CHST11: variants seen among roughly 807,000 people sequenced by gnomAD.
CHST11 encodes C4S-1.
Under a neutral mutation model 30.4 loss-of-function variants are expected in CHST11, and 9 were observed. That is an observed-to-expected ratio of 0.30 (90% CI 0.18 to 0.52). The LOEUF is 0.52. CHST11 is among the 20% of genes least tolerant of loss of function. CHST11 has a pLI of 0.97. For missense variants in CHST11, 348 were observed against 460.6 expected, an observed-to-expected ratio of 0.76 and a Z score of 2.24; for synonymous variants, 152 against 187.8, an observed-to-expected ratio of 0.81 and a Z score of 1.56.
At position 104,626,676 on chromosome 12, in the gene CHST11, A is replaced by G. The variant is rs530544922; in HGVS notation, c.204+24685A>G. Among the ~76,000 whole-genome samples, 13 of 149,018 alleles carry G rather than the reference A, an allele frequency of 8.7e-5. No individual in the cohort carries two copies. The East Asian group carries it at 1.8e-3, about 20-fold the overall frequency. ...GAGGGAATGGCCTGTTTTCCATGTG[A>G]TTTGTTTTTTAATAGACTTGATTTT... is the stretch of plus-strand genomic sequence containing the variant. On this transcript the variant is annotated intron_variant, in intron 2 of 2. Transcript: ENST00000303694.
Position 104,473,942 on chromosome 12 carries a change from C to T in CHST11, c.118+16413C>T, listed in dbSNP as rs553803406. 1.1e-3 allele frequency among the ~76,000 whole-genome samples: 164 copies of T among 151,624 alleles called. 1 individual carries two copies. The Middle Eastern group carries it at 0.021, about 19-fold the overall frequency. ...ACCACCACCACCACCACCACCACCG[C>T]GACCACTACAACCACGACAGGGAGA... On this transcript the variant is annotated intron_variant, in intron 1 of 2. Coordinates refer to ENST00000303694, the MANE Select transcript of CHST11 (RefSeq NM_018413.6).
intron 1 of CHST11, among the ~76,000 whole-genome samples, chr12:104,473,018 G>A (rs887290836): frequency 2.0e-5 from 3 of 152,270 alleles, no homozygotes; most frequent in Admixed American, 6.5e-5. Flanking sequence ...GGCTCTGAAT[G>A]CTCTAAAGTT....
intron 2 of CHST11, among the ~76,000 whole-genome samples, chr12:104,665,631 A>G: frequency 6.6e-6 from 1 of 151,920 alleles, no homozygotes; most frequent in East Asian, 1.9e-4. Context: ...AATAAATGTA[A>G]GTAGTTGTAT....
intron 2 of CHST11, among the ~76,000 whole-genome samples, chr12:104,651,899 G>A (rs1165424104): frequency 6.6e-6 from 1 of 152,186 alleles, no homozygotes; most frequent in Non-Finnish European, 1.5e-5. Context: ...TCCCCTTGCA[G>A]GGTTCTCCAA....
In CHST11 at chr12:104,757,391, T is replaced by C; in HGVS notation, c.647T>C (p.Ile216Thr). 1 of 1,613,658 alleles carries C rather than the reference T, an allele frequency of 6.2e-7. No individual in the cohort carries two copies. The highest frequency in any genetic ancestry group is 8.5e-7 in the Non-Finnish European group (1 of 1,179,942). Residue 216 changes from isoleucine (I) to threonine (T), a missense_variant, in exon 3 of 3, where the codon ATC becomes ACC. By Grantham distance (89) the Ile-to-Thr change is moderately conservative. Coordinates refer to ENST00000303694, the MANE Select transcript of CHST11 (RefSeq NM_018413.6). This position sits in a 1 kb window ranked among gnomAD's most constrained non-coding sequence, Gnocchi z 6.5. ...TTCCACAAGCGGTACGGCACCAAGA[T>C]CATCAAACGCCAGCGGAAGAACGCC... ...ISFHKRYGTK[I>T]IKRQRKNATQ...
At chr12:104,613,472 G>A (rs1316181376) in intron 2 of CHST11, among the ~76,000 whole-genome samples, 1 of 152,136 alleles carries the variant, frequency 6.6e-6, no homozygotes, top group Non-Finnish European at 1.5e-5. Context: ...GGGACCTGGT[G>A]GGAGGTGATT....
At chr12:104,717,186 T>C (rs562561188) in intron 2 of CHST11, among the ~76,000 whole-genome samples, 1 of 152,328 alleles carries the variant, frequency 6.6e-6, no homozygotes, top group Admixed American at 6.5e-5. Flanking sequence ...CCATGTAACA[T>C]AACGTATTCA....
At chr12:104,514,377 C>T in intron 1 of CHST11, 1 of 945,882 alleles carries the variant, frequency 1.1e-6, no homozygotes, top group South Asian at 1.3e-5. Flanking sequence ...GGGCTTTGCC[C>T]TGTCTGAGGT....
chr12:104,506,983 C>T (rs979724123), intron 1 of CHST11, among the ~76,000 whole-genome samples: 1 of 152,080 alleles, frequency 6.6e-6, no homozygotes, highest in Non-Finnish European at 1.5e-5. Context: ...GGAGACATTG[C>T]TGCAGACTTC....
intron 2 of CHST11, among the ~76,000 whole-genome samples, chr12:104,640,490 G>A (rs1304632945): frequency 6.6e-6 from 1 of 152,196 alleles, no homozygotes; most frequent in Non-Finnish European, 1.5e-5. Flanking sequence ...GCTACGTTCT[G>A]TATGATTCCA....
chr12:104,580,615 T>C (rs997283393), intron 1 of CHST11, among the ~76,000 whole-genome samples: 1 of 152,238 alleles, frequency 6.6e-6, no homozygotes, highest in Non-Finnish European at 1.5e-5. Context: ...CAAAGCTTCC[T>C]GGAAGTTTGG....
At chr12:104,551,818 T>TG (rs2038408219) in intron 1 of CHST11, among the ~76,000 whole-genome samples, 1 of 151,990 alleles carries the variant, frequency 6.6e-6, no homozygotes, top group Admixed American at 6.6e-5. Flanking sequence ...GACGTAGGTG[T>TG]GGGGCAGCTG....
chr12:104,700,421 T>G (rs1031338520), intron 2 of CHST11, among the ~76,000 whole-genome samples: 1 of 152,194 alleles, frequency 6.6e-6, no homozygotes, highest in Non-Finnish European at 1.5e-5. Flanking sequence ...GCTCTGAAAA[T>G]TACATATTTA....
intron 2 of CHST11, among the ~76,000 whole-genome samples, chr12:104,711,314 C>T (rs1385337709): frequency 6.6e-6 from 1 of 152,140 alleles, no homozygotes; most frequent in Non-Finnish European, 1.5e-5. Context: ...ACTTTCTTGC[C>T]CTAACTCTTG....
chr12:104,456,998 G>GTAGC lies in CHST11; in HGVS notation c.-413_-410dup. The GTAGC allele has an allele frequency of 6.4e-6, 1 of 156,902 alleles. No homozygotes were observed. Among genetic ancestry groups the GTAGC allele is most frequent in the African/African-American group, 2.4e-5 (1 of 41,760 alleles). 9.7% of individuals were successfully genotyped at this position (156,902 alleles called of 1,614,324 possible). A position where few individuals can be genotyped will look rare whatever the true frequency, so the allele number is the denominator to read the frequency against. On this transcript the variant is annotated 5_prime_UTR_variant, in exon 1 of 3. Transcript: ENST00000303694. ...ATATAGATCGTTGGAGCGCAATGAA[G>GTAGC]TAGCCTTTGGAGAGAAGGGAGAGGG... is the stretch of plus-strand genomic sequence containing the variant.
chr12:104,464,067 CTTTT>C (rs35504512), intron 1 of CHST11, among the ~76,000 whole-genome samples: 1 of 134,994 alleles, frequency 7.4e-6, no homozygotes, highest in Non-Finnish European at 1.6e-5. Context: ...CCTACTTGCA[CTTTT>C]TTTTTTTTTT....
intron 2 of CHST11, among the ~76,000 whole-genome samples, chr12:104,739,999 C>T (rs2040334088): frequency 1.3e-5 from 2 of 152,196 alleles, no homozygotes; most frequent in South Asian, 4.1e-4. Flanking sequence ...AAATACTCTC[C>T]ATTTTTGTTC....
chr12:104,477,368 A>T (rs188082012), intron 1 of CHST11, among the ~76,000 whole-genome samples: 1 of 152,290 alleles, frequency 6.6e-6, no homozygotes, highest in Admixed American at 6.5e-5. Context: ...AAGTGCTCTA[A>T]TAAGAACTTC....
At chr12:104,548,428 G>A (rs756052983) in intron 1 of CHST11, among the ~76,000 whole-genome samples, 1 of 152,170 alleles carries the variant, frequency 6.6e-6, no homozygotes, top group Non-Finnish European at 1.5e-5. Flanking sequence ...GGAAGAGATG[G>A]TCACAGTCAG....
Sources: allele counts gnomAD v4.1 joint callset (sites outside exome capture counted in the v4.1 genomes callset), GRCh38; gene constraint gnomAD v4.1.1; non-coding constraint Gnocchi (gnomAD v3.1); transcripts MANE v1.5; gene names NCBI Gene and HGNC (gene_info 2026-07-23, HGNC 2026-07-21).